The following MCM2 variants were observed in gnomAD, a reference collection of about 807,000 sequenced individuals.
MCM2 encodes the protein DNA replication licensing factor MCM2.
Under a neutral mutation model 86.4 loss-of-function variants are expected in MCM2, and 49 were observed. The observed-to-expected ratio is 0.57, with a 90% CI of 0.45 to 0.72. The LOEUF (loss-of-function observed/expected upper bound fraction) is 0.72. Among genes scored for constraint, MCM2 ranks in the 30% least tolerant of loss-of-function variants. The probability of loss-of-function intolerance (pLI) is 0.00; values close to 1 mark genes in which losing one functional copy is unlikely to be tolerated. For missense variants in MCM2, 1,038 were observed against 1,259.9 expected (o/e 0.82, Z 2.67); for synonymous variants, 475 against 484.6 (o/e 0.98, Z 0.26).
In MCM2 at chr3:127,617,459, C is replaced by T; in HGVS notation, c.1900+54C>T. On this transcript the variant is annotated intron_variant, in intron 11 of 15. Coordinates refer to ENST00000265056, the MANE Select transcript of MCM2 (RefSeq NM_004526.4). The surrounding 1 kb of genome is among the most constrained non-coding windows in gnomAD (Gnocchi z 4.1). ...TGGGGTGGGACACAGGGAGGTCCCG[C>T]CTGCTTGAATTGGGAGCCCACGGGG... The T allele has an allele frequency of 1.3e-6, 2 of 1,567,110 alleles. No homozygotes were observed. The highest frequency in any genetic ancestry group is 1.2e-5 in the South Asian group (1 of 85,988).
chr3:127,598,857 TTC>T, intron 1 of MCM2: 1 of 369,222 alleles, frequency 2.7e-6, no homozygotes, highest in Non-Finnish European at 4.9e-6. Flanking sequence ...TTGTATTACC[TTC>T]TTGTCCCTTT....
chr3:127,611,655 G>A (rs1005957251), intron 8 of MCM2, among the ~76,000 whole-genome samples: 3 of 146,090 alleles, frequency 2.1e-5, no homozygotes, highest in African/African-American at 7.6e-5. Flanking sequence ...ATCTCCAGCA[G>A]GAAGCCCTGC....
intron 8 of MCM2, among the ~76,000 whole-genome samples, chr3:127,612,039 TATC>T (rs1379541471): frequency 6.6e-6 from 1 of 152,222 alleles, no homozygotes; most frequent in African/African-American, 2.4e-5. Flanking sequence ...TTGAGTTAGT[TATC>T]ATCCTTGAGG....
rs150367618 is a variant in MCM2, at chr3:127,617,662, C to T, written c.1900+257C>T. The T allele has an allele frequency of 1.7e-6, 1 of 599,918 alleles. No homozygotes were observed. The highest frequency in any genetic ancestry group is 1.9e-5 in the African/African-American group (1 of 53,942). 37.2% of individuals were successfully genotyped at this position (599,918 alleles called of 1,614,324 possible). On this transcript the variant is annotated intron_variant, in intron 11 of 15. Coordinates refer to ENST00000265056, the MANE Select transcript of MCM2 (RefSeq NM_004526.4). The surrounding 1 kb of genome is among the most constrained non-coding windows in gnomAD (Gnocchi z 4.1). The stretch of plus-strand genomic sequence containing the variant: ...AGGCATGGGAGGAGAGCCCAGTGCC[C>T]CTCTGGCCAGGATGGAGTTGGCTGT...
rs2307317 is a variant in MCM2 at position 127,606,110 on chromosome 3, C to A, written c.674-8C>A. ...AGTTAACTCTCTTCCCACTGTGCCC[C>A]CTTCTAGAGAACCGTGAGAGCCTGG... On this transcript the variant is annotated splice_polypyrimidine_tract_variant and splice_region_variant and intron_variant, in intron 4 of 15. Coordinates refer to ENST00000265056, the MANE Select transcript of MCM2 (RefSeq NM_004526.4). This position sits in a 1 kb window ranked among gnomAD's most constrained non-coding sequence, Gnocchi z 4.2. 1.9e-6 allele frequency: 3 copies of A among 1,610,964 alleles called. No homozygotes were observed. The African/African-American group carries it at 4.0e-5, about 22-fold the overall frequency.
intron 8 of MCM2, chr3:127,611,100 C>T: frequency 2.5e-6 from 1 of 392,608 alleles, no homozygotes; most frequent in South Asian, 1.9e-5. Flanking sequence ...AAGACAGTCA[C>T]ACAGGCAAAG....
At chr3:127,619,471 G>A (rs1281473305) in intron 13 of MCM2, among the ~76,000 whole-genome samples, 193 bp downstream of exon 13, 1 of 152,188 alleles carries the variant, frequency 6.6e-6, no homozygotes, top group Non-Finnish European at 1.5e-5. Context: ...GGCCGAGGCA[G>A]GAGGATCACG....
chr3:127,598,622 G>A, intron 1 of MCM2, 150 bp downstream of exon 1: 2 of 1,134,766 alleles, frequency 1.8e-6, no homozygotes, highest in Admixed American at 3.0e-5. Context: ...CCTGCACCCT[G>A]CGTGAGGCGA....
Position 127,604,511 on chromosome 3 carries a change from C to T in MCM2, c.237-97C>T. The T allele has an allele frequency of 3.8e-6, 5 of 1,316,574 alleles. No individual in the cohort carries two copies. The South Asian group carries it at 6.8e-5, about 18-fold the overall frequency. The allele number at this position is 1,316,574 out of a possible 1,614,324, so 81.6% of individuals were successfully genotyped here. ...CGCTGAGCCTACCCACAATGGGGCT[C>T]CTGAACCTTAGGGAACAGGCCCAGT... On this transcript the variant is annotated intron_variant, in intron 2 of 15. Transcript: ENST00000265056.
intron 2 of MCM2, chr3:127,604,373 C>A (rs1240298321): frequency 8.0e-6 from 4 of 497,958 alleles, no homozygotes; most frequent in Non-Finnish European, 1.4e-5. Context: ...TGTGCCAGCA[C>A]GTGGCAGAAT....
rs755463556 is a variant in MCM2, at chr3:127,621,754, T to C, written c.2696T>C (p.Met899Thr). 1.2e-6 allele frequency: 2 copies of C among 1,613,866 alleles called. No homozygotes were observed. Among genetic ancestry groups the C allele is most frequent in the Non-Finnish European group, 1.7e-6 (2 of 1,179,880 alleles). ...NKFSHDLKRKMILQQF is the reference protein window; with the variant it reads ...NKFSHDLKRKTILQQF Reference sequence around the variant, plus strand: ...TTCAGCCACGACCTGAAAAGGAAAATGATCCTGCAGCAGTTCTGAGGCCCT... The same window carrying C: ...TTCAGCCACGACCTGAAAAGGAAAACGATCCTGCAGCAGTTCTGAGGCCCT... Residue 899 changes from methionine to threonine, a missense_variant, in exon 16 of 16, where the codon ATG (methionine) becomes ACG (threonine). Physicochemically the swap from Met to Thr is moderately conservative, Grantham distance 81 (BLOSUM62 -1). Around this residue, in one of 4 missense-constraint regions of MCM2, gnomAD observed 336 missense variants for 425.7 expected, o/e 0.79. Coordinates refer to ENST00000265056, the MANE Select transcript of MCM2 (RefSeq NM_004526.4).
chr3:127,619,265 G>A lies in MCM2; in HGVS notation c.2252G>A (p.Arg751Lys). 1 of 1,613,598 alleles carries A rather than the reference G, an allele frequency of 6.2e-7. No individual in the cohort carries two copies. Among genetic ancestry groups the A allele is most frequent in the Non-Finnish European group, 8.5e-7 (1 of 1,179,578 alleles). The part of the protein sequence containing the change: ...DKVAKMYSDL[R>K]KESMATGSIP... Reference sequence around the variant, plus strand: ...GTGGCCAAGATGTACAGTGACCTGAGGAAAGAATCTATGGTGAGAGCCCAG... The same window carrying A: ...GTGGCCAAGATGTACAGTGACCTGAAGAAAGAATCTATGGTGAGAGCCCAG... The change falls in exon 13 of 16, where the codon AGG becomes AAG. Residue 751 changes from arginine (R) to lysine (K), a missense_variant. Transcript: ENST00000265056.
intron 8 of MCM2, among the ~76,000 whole-genome samples, chr3:127,614,860 A>AT (rs1293736989): frequency 2.6e-5 from 4 of 151,954 alleles, no homozygotes; most frequent in Non-Finnish European, 5.9e-5. Flanking sequence ...TCTTTGAGTG[A>AT]TTTTTTGCTT....
intron 2 of MCM2, among the ~76,000 whole-genome samples, chr3:127,603,276 A>C (rs1225341563): frequency 1.3e-5 from 2 of 151,888 alleles, no homozygotes; most frequent in Non-Finnish European, 2.9e-5. Flanking sequence ...TGGGATTACA[A>C]GCATGAGCTA....
In MCM2 at chr3:127,604,650, G is replaced by T. The variant is rs1438082949; in HGVS notation, c.279G>T (p.Glu93Asp). 2 of 1,613,282 alleles carry T rather than the reference G, an allele frequency of 1.2e-6. No individual in the cohort carries two copies. The highest frequency in any genetic ancestry group is 2.2e-5 in the South Asian group (2 of 91,048). Residue 93 changes from glutamate to aspartate, a missense_variant, in exon 3 of 16, where the codon GAG (glutamate) becomes GAT (aspartate). Coordinates refer to ENST00000265056, the MANE Select transcript of MCM2 (RefSeq NM_004526.4). ...AIPELDAYEA[E>D]GLALDDEDVE... ...CAGAGCTGGACGCCTATGAGGCCGAGGGACTGGCTCTGGATGATGAGGACG... is the reference window on the plus strand; with the variant it reads ...CAGAGCTGGACGCCTATGAGGCCGATGGACTGGCTCTGGATGATGAGGACG...
At position 127,619,173 on chromosome 3, in the gene MCM2, G is replaced by A. The variant is rs990473188; in HGVS notation, c.2160G>A (p.Leu720=). The A allele has an allele frequency of 3.1e-6, 5 of 1,614,186 alleles. No homozygotes were observed. The highest frequency in any genetic ancestry group is 1.1e-5 in the South Asian group (1 of 91,092). ...TGGAGCCCCTGCCCCAGGAGGTCCT[G>A]AAGAAGTACATCATCTACGCCAAGG... is the stretch of plus-strand genomic sequence containing the variant. ...YGVEPLPQEV[L]KKYIIYAKER... The change falls in exon 13 of 16, where the codon CTG becomes CTA. Residue 720 remains leucine (L), a synonymous_variant. Transcript: ENST00000265056.
At chr3:127,608,582 C>T (rs2074368137) in intron 7 of MCM2, 66 bp downstream of exon 7, 4 of 1,595,000 alleles carry the variant, frequency 2.5e-6, no homozygotes, top group Non-Finnish European at 3.4e-6. Flanking sequence ...GCAGTTGTGG[C>T]TGGGCCGGTG....
chr3:127,611,355 C>G (rs2074393435), intron 8 of MCM2, among the ~76,000 whole-genome samples: 1 of 152,232 alleles, frequency 6.6e-6, no homozygotes, highest in Non-Finnish European at 1.5e-5. Context: ...TCTTCTGGCA[C>G]CTTCTCTTCC....
At chr3:127,608,219 T>C (rs912393895) in intron 6 of MCM2, among the ~76,000 whole-genome samples, 163 bp from the exon 7 acceptor site, 1 of 152,134 alleles carries the variant, frequency 6.6e-6, no homozygotes, top group African/African-American at 2.4e-5. Context: ...GTGGGGACTG[T>C]CAACTGATGT....
Sources: allele counts gnomAD v4.1 joint callset (sites outside exome capture counted in the v4.1 genomes callset), GRCh38; gene constraint gnomAD v4.1.1; regional missense constraint gnomAD v4.1.1; non-coding constraint Gnocchi (gnomAD v3.1); transcripts MANE v1.5; gene names NCBI Gene and HGNC (gene_info 2026-07-23, HGNC 2026-07-21).